ADGRF4: variants seen among roughly 807,000 people sequenced by gnomAD.
The protein encoded by ADGRF4 is G-protein coupled receptor PGR18.
Under a neutral mutation model 58.5 loss-of-function variants are expected in ADGRF4, and 63 were observed. The ratio of observed to expected loss-of-function variants is 1.08; its 90% CI spans 0.88 to 1.33. The LOEUF is 1.33. ADGRF4 is among the 40% of genes most tolerant of loss of function. The pLI is 0.00. For synonymous variants in ADGRF4, 313 were observed against 295.4 expected (o/e 1.06, Z -0.61); for missense variants, 931 against 843.9 (o/e 1.10, Z -1.28).
At position 47,718,412 on chromosome 6, in the gene ADGRF4, T is replaced by C. The variant is rs1459503895; in HGVS notation, c.2058T>C (p.Asn686=). ...AGAATGCATCACTAGGCCCAACCAA[T>C]GGATCTAAATTAATGAATCGTCAAG... ...AAENASLGPT[N]GSKLMNRQG Residue 686 remains asparagine (N), a synonymous_variant, in exon 9 of 10, where the codon AAT becomes AAC. Coordinates refer to ENST00000283303, the MANE Select transcript of ADGRF4 (RefSeq NM_153838.5). 6.3e-7 allele frequency: 1 copy of C among 1,576,954 alleles called. No homozygotes were observed. Among genetic ancestry groups the C allele is most frequent in the East Asian group, 2.2e-5 (1 of 44,698 alleles).
intron 8 of ADGRF4, 43 bp downstream of exon 8, chr6:47,717,394 C>A: frequency 1.5e-6 from 2 of 1,331,524 alleles, no homozygotes; most frequent in Non-Finnish European, 2.2e-6. Flanking sequence ...GAGTCCGTGT[C>A]CTTGCCGGTT....
At chr6:47,701,166 AT>A (rs1284274114) in intron 1 of ADGRF4, among the ~76,000 whole-genome samples, 1 of 152,074 alleles carries the variant, frequency 6.6e-6, no homozygotes, top group Non-Finnish European at 1.5e-5. Context: ...AGCAAATGTT[AT>A]TTTCTTTGTA....
chr6:47,699,886 A>G (rs2113891231), intron 1 of ADGRF4, among the ~76,000 whole-genome samples: 1 of 136,126 alleles, frequency 7.3e-6, no homozygotes, highest in African/African-American at 2.6e-5. Context: ...GAATTAGGGG[A>G]ACAACACACA....
chr6:47,719,611 C>G (rs755078528), intron 9 of ADGRF4, among the ~76,000 whole-genome samples: 2 of 152,002 alleles, frequency 1.3e-5, no homozygotes, highest in Admixed American at 6.5e-5. Context: ...CTTAAAGAAC[C>G]GCTTGTTTTA....
At chr6:47,706,351 C>T (rs193104570) in intron 1 of ADGRF4, among the ~76,000 whole-genome samples, 42 of 152,282 alleles carry the variant, frequency 2.8e-4, no homozygotes, top group Non-Finnish European at 4.4e-4. Flanking sequence ...TATCTTCCTG[C>T]GCATCTAGTT....
intron 3 of ADGRF4, among the ~76,000 whole-genome samples, chr6:47,709,362 T>C (rs2105116): frequency 0.25 from 37,408 of 152,188 alleles, 4,784 homozygotes; most frequent in African/African-American, 0.28. Context: ...AACATAGCCA[T>C]GCCCATTCAT....
intron 8 of ADGRF4, among the ~76,000 whole-genome samples, chr6:47,718,134 T>C (rs1042593006): frequency 3.9e-5 from 6 of 152,242 alleles, no homozygotes; most frequent in Non-Finnish European, 7.3e-5. Context: ...GAAATTGGAA[T>C]GTATCTTATA....
Position 47,704,083 on chromosome 6 carries a change from C to T in ADGRF4, c.-16-3147C>T, listed in dbSNP as rs535218285. On this transcript the variant is annotated intron_variant, in intron 1 of 9. Transcript: ENST00000283303. ...TTTTTTTTTGAGACGGAGTTTTGCT[C>T]TTGTCACCCAGGCTACAGTGCAATG... Among the ~76,000 whole-genome samples the T allele has an allele frequency of 4.1e-4, 62 of 150,764 alleles. No homozygotes were observed. In the South Asian group the frequency reaches 0.012, roughly 29 times the overall value.
In ADGRF4 at chr6:47,714,655, C is replaced by A; in HGVS notation, c.1410C>A (p.Tyr470Ter). The A allele has an allele frequency of 1.2e-6, 2 of 1,614,236 alleles. No individual in the cohort carries two copies. Among genetic ancestry groups the A allele is most frequent in the South Asian group, 1.1e-5 (1 of 91,080 alleles). ...GSHFNIKAQD[Y>*]NMCVAVTFFS... The stretch of plus-strand genomic sequence containing the variant: ...ACTTTAACATTAAGGCCCAGGACTA[C>A]AACATGTGTGTTGCAGTGACATTTT... The change falls in exon 6 of 10, where the codon TAC becomes TAA. Residue 470 changes from tyrosine (Y) to a stop codon, truncating the protein, a stop_gained. Coordinates refer to ENST00000283303, the MANE Select transcript of ADGRF4 (RefSeq NM_153838.5). LOFTEE classifies it high-confidence loss of function.
chr6:47,702,143 A>G (rs1771604401), intron 1 of ADGRF4, among the ~76,000 whole-genome samples: 1 of 152,114 alleles, frequency 6.6e-6, no homozygotes, highest in Non-Finnish European at 1.5e-5. Flanking sequence ...CTGGCCTAGA[A>G]TTTCTGATTA....
rs1397219566 is a variant in ADGRF4 at position 47,714,551 on chromosome 6, T to G, written c.1306T>G (p.Ser436Ala). ...GTCCCGGGTGGTTGTGACGGAGATA[T>G]CATACATGCGTCACGTGTGCATCGT... is the stretch of plus-strand genomic sequence containing the variant. ...VWSRVVVTEISYMRHVCIVNI... is the reference protein window; with the variant it reads ...VWSRVVVTEIAYMRHVCIVNI... The change falls in exon 6 of 10, where the codon TCA (serine) becomes GCA (alanine). Residue 436 changes from serine to alanine, a missense_variant. Coordinates refer to ENST00000283303, the MANE Select transcript of ADGRF4 (RefSeq NM_153838.5). The G allele has an allele frequency of 1.2e-6, 2 of 1,614,140 alleles. No homozygotes were observed. The highest frequency in any genetic ancestry group is 1.7e-6 in the Non-Finnish European group (2 of 1,180,034).
chr6:47,717,461 T>A (rs1029019527), intron 8 of ADGRF4, 110 bp downstream of exon 8: 1 of 765,050 alleles, frequency 1.3e-6, no homozygotes, highest in Non-Finnish European at 2.4e-6. Context: ...AGAGGATCAA[T>A]AAAGCGTACT....
chr6:47,711,427 T>A (rs1318060979), intron 4 of ADGRF4, among the ~76,000 whole-genome samples: 2 of 152,186 alleles, frequency 1.3e-5, no homozygotes, highest in Admixed American at 1.3e-4. Context: ...CACACCCAGC[T>A]AATTTTTGTA....
chr6:47,717,919 C>A (rs12198900), intron 8 of ADGRF4, among the ~76,000 whole-genome samples: 47,770 of 152,124 alleles, frequency 0.31, 8,505 homozygotes, highest in Middle Eastern at 0.51. Flanking sequence ...CTTAAGGCAC[C>A]AAGTAAAATT....
chr6:47,704,243 C>T (rs1228038116), intron 1 of ADGRF4, among the ~76,000 whole-genome samples: 2 of 152,038 alleles, frequency 1.3e-5, no homozygotes, highest in Non-Finnish European at 2.9e-5. Flanking sequence ...GGGGTTTCAC[C>T]ACGTTGACCA....
At chr6:47,699,216 T>TA (rs976793752) in intron 1 of ADGRF4, among the ~76,000 whole-genome samples, 12 of 152,228 alleles carry the variant, frequency 7.9e-5, no homozygotes, top group South Asian at 2.1e-4. Flanking sequence ...TGTATCAATT[T>TA]AAAAAAACAT....
At position 47,714,127 on chromosome 6, in the gene ADGRF4, T is replaced by G; in HGVS notation, c.882T>G (p.Ala294=). ...ATGCATCCCAAGCCATTAGCATAGC[T>G]TTCCCAACCTTGGGGGCTATCCTGA... ...WPNASQAISI[A]FPTLGAILRE... Residue 294 remains alanine (A), a synonymous_variant, in exon 6 of 10, where the codon GCT becomes GCG. Transcript: ENST00000283303. 1 of 1,613,994 alleles carries G rather than the reference T, an allele frequency of 6.2e-7. No homozygotes were observed. The highest frequency in any genetic ancestry group is 8.5e-7 in the Non-Finnish European group (1 of 1,179,968).
At chr6:47,720,053 A>G (rs1348227563) in intron 9 of ADGRF4, among the ~76,000 whole-genome samples, 3 of 152,170 alleles carry the variant, frequency 2.0e-5, no homozygotes, top group South Asian at 2.1e-4. Context: ...CTGGACACAC[A>G]TGGTACCAGA....
chr6:47,715,012 T>TG lies in ADGRF4; in HGVS notation c.1769dup (p.Ser591GlnfsTer88). ...CTGTCAACACTCAGAGGCCCTCTAT[T>TG]GGCAGTTCCAAGTCTCAGGATGTGG... is the stretch of plus-strand genomic sequence containing the variant. On this transcript the variant is annotated frameshift_variant, in exon 6 of 10. Coordinates refer to ENST00000283303, the MANE Select transcript of ADGRF4 (RefSeq NM_153838.5). LOFTEE classifies it high-confidence loss of function. 2 of 1,613,432 alleles carry TG rather than the reference T, an allele frequency of 1.2e-6. No homozygotes were observed. Among genetic ancestry groups the TG allele is most frequent in the Non-Finnish European group, 1.7e-6 (2 of 1,179,350 alleles).
Sources: gnomAD v4.1 joint callset for allele counts (sites outside exome capture counted in the v4.1 genomes callset) on GRCh38, gnomAD v4.1.1 for gene constraint, MANE v1.5 for transcripts, NCBI Gene and HGNC (gene_info 2026-07-23, HGNC 2026-07-21) for gene names.